Variants in LRP2 observed in about 807,000 individuals in gnomAD.
LRP2 encodes the protein LDL receptor related protein 2.
LRP2 carries 172 observed loss-of-function variants against 531.0 expected under a neutral mutation model. The observed-to-expected ratio is 0.32, with a 90% CI of 0.29 to 0.37. The LOEUF (loss-of-function observed/expected upper bound fraction) is 0.37. Ranked by LOEUF, LRP2 falls within the 10% of genes least tolerant of loss-of-function variation. The pLI, the probability that LRP2 is intolerant of heterozygous loss-of-function variation, is 1.00. For synonymous variants in LRP2, 1,992 were observed against 2,027.6 expected (o/e 0.98, Z 0.47); for missense variants, 5,167 against 5,868.3 (o/e 0.88, Z 3.90).
chr2:169,292,294 C>T lies in LRP2; in HGVS notation c.728G>A (p.Gly243Glu). The change falls in exon 7 of 79, where the codon GGA becomes GAA. Residue 243 changes from glycine to glutamate, a missense_variant. Gly to Glu is a moderately conservative substitution (Grantham distance 98). This residue lies in a region of LRP2 where 2,811 missense variants were observed against 3,058.0 expected (regional missense o/e 0.92). Transcript: ENST00000649046. ...TCCATTATCTTTACAGTCATCTTCT[C>T]CATCACAAACCCAGTTTTGATAAAT... is the stretch of plus-strand genomic sequence containing the variant. ...RCIYQNWVCD[G>E]EDDCKDNGDE... 1 of 1,614,078 alleles carries T rather than the reference C, an allele frequency of 6.2e-7. No homozygotes were observed. Among genetic ancestry groups the T allele is most frequent in the Non-Finnish European group, 8.5e-7 (1 of 1,179,926 alleles).
intron 31 of LRP2, 80 bp downstream of exon 31, chr2:169,231,634 A>G: frequency 2.5e-6 from 4 of 1,570,612 alleles, no homozygotes; most frequent in Non-Finnish European, 3.5e-6. Context: ...TTCAGTCGCA[A>G]TTGGTTTTAG....
chr2:169,308,996 T>G (rs996498329), intron 3 of LRP2, among the ~76,000 whole-genome samples: 6 of 152,222 alleles, frequency 3.9e-5, no homozygotes, highest in Non-Finnish European at 7.3e-5. Flanking sequence ...TTTTTTCATG[T>G]GTCTGTTGGC....
Position 169,168,439 on chromosome 2 carries a change from A to G in LRP2, c.11635+100T>C, listed in dbSNP as rs1686869198. 2.8e-6 allele frequency: 4 copies of G among 1,447,702 alleles called. No individual in the cohort carries two copies. The South Asian group carries it at 4.6e-5, about 17-fold the overall frequency. The allele number at this position is 1,447,702 out of a possible 1,614,324, so 89.7% of individuals were successfully genotyped here. On this transcript the variant is annotated intron_variant, in intron 61 of 78. Coordinates refer to ENST00000649046, the MANE Select transcript of LRP2 (RefSeq NM_004525.3). ...GCTGATCCTGTGTCCATTCCTAAACAATTGTACAACTGCTCTCCAGGCTCA... is the reference window on the plus strand; with the variant it reads ...GCTGATCCTGTGTCCATTCCTAAACGATTGTACAACTGCTCTCCAGGCTCA...
chr2:169,221,243 T>C (rs556707613), intron 33 of LRP2, among the ~76,000 whole-genome samples: 2 of 152,200 alleles, frequency 1.3e-5, no homozygotes, highest in East Asian at 1.9e-4. Flanking sequence ...TAAACTTCTA[T>C]TGTTTAATTG....
intron 31 of LRP2, among the ~76,000 whole-genome samples, chr2:169,231,425 C>T (rs1387009409): frequency 6.6e-6 from 1 of 152,030 alleles, no homozygotes; most frequent in Non-Finnish European, 1.5e-5. Flanking sequence ...TGGAACTTCC[C>T]ATTATCATGG....
chr2:169,274,155 C>A (rs1037822602), intron 14 of LRP2, among the ~76,000 whole-genome samples: 2 of 152,110 alleles, frequency 1.3e-5, no homozygotes, highest in African/African-American at 4.8e-5. Flanking sequence ...TTATTGCTCA[C>A]CAATATTAAG....
intron 55 of LRP2, among the ~76,000 whole-genome samples, chr2:169,174,504 G>C (rs750652613): frequency 6.6e-6 from 1 of 152,044 alleles, no homozygotes; most frequent in East Asian, 1.9e-4. Context: ...TTTTAGTTTG[G>C]GGGAATTTTA....
At chr2:169,286,766 A>C (rs1683869913) in intron 9 of LRP2, among the ~76,000 whole-genome samples, 2 of 152,208 alleles carry the variant, frequency 1.3e-5, no homozygotes, top group African/African-American at 4.8e-5. Context: ...TTTTCCTGAA[A>C]GGACTTCATG....
chr2:169,248,857 T>A (rs2105397921), intron 19 of LRP2, among the ~76,000 whole-genome samples: 1 of 121,154 alleles, frequency 8.3e-6, no homozygotes, highest in East Asian at 2.2e-4. Flanking sequence ...CCTTTCCGAG[T>A]CAAAGAAAGG....
chr2:169,289,296 T>A, intron 8 of LRP2, 151 bp from the exon 9 acceptor site: 1 of 1,017,490 alleles, frequency 9.8e-7, no homozygotes, highest in Non-Finnish European at 1.5e-6. Context: ...ACTGCAAAAC[T>A]TTGCAATAAA....
Position 169,152,784 on chromosome 2 carries a change from G to A in LRP2, c.12461+15C>T, listed in dbSNP as rs1157349357. On this transcript the variant is annotated intron_variant, in intron 67 of 78. Transcript: ENST00000649046. ...AAAACAGAACAGGTAAGGGGGGAAT[G>A]TATGGCAAATTTACCTTCCAACCCA... 1.9e-6 allele frequency: 3 copies of A among 1,613,820 alleles called. No homozygotes were observed. Among genetic ancestry groups the A allele is most frequent in the Non-Finnish European group, 2.5e-6 (3 of 1,179,788 alleles).
chr2:169,245,069 G>GA, intron 21 of LRP2, 137 bp from the exon 22 acceptor site: 1 of 947,568 alleles, frequency 1.1e-6, no homozygotes, highest in Non-Finnish European at 1.7e-6. Flanking sequence ...ATCAAGTGAT[G>GA]TCATCATCAC....
chr2:169,263,888 C>T (rs574707492), intron 16 of LRP2, among the ~76,000 whole-genome samples: 2,196 of 152,088 alleles, frequency 0.014, 46 homozygotes, highest in African/African-American at 0.05. Flanking sequence ...AAATGTGGCA[C>T]ATATATGCCA....
chr2:169,294,541 C>T, intron 5 of LRP2, 59 bp downstream of exon 5: 2 of 1,265,602 alleles, frequency 1.6e-6, no homozygotes, highest in Non-Finnish European at 2.3e-6. Flanking sequence ...TATTGGCTCT[C>T]TCAAACCAGT....
intron 38 of LRP2, 40 bp from the exon 39 acceptor site, chr2:169,207,290 C>T: frequency 1.4e-6 from 2 of 1,436,158 alleles, no homozygotes; most frequent in South Asian, 1.2e-5. Flanking sequence ...CAATGGAGAA[C>T]CAAGAAGAAA....
At chr2:169,240,250 G>A (rs1689756512) in intron 25 of LRP2, among the ~76,000 whole-genome samples, 1 of 152,166 alleles carries the variant, frequency 6.6e-6, no homozygotes, top group African/African-American at 2.4e-5. Flanking sequence ...AAATATTAGA[G>A]TACACAGATC....
chr2:169,310,676 T>C (rs1418441611), intron 3 of LRP2, among the ~76,000 whole-genome samples: 2 of 152,214 alleles, frequency 1.3e-5, no homozygotes, highest in East Asian at 3.9e-4. Context: ...TTTTGTTGTG[T>C]CTCTGCCAGG....
At chr2:169,280,304 CACTTTGT>C (rs1411921456) in intron 11 of LRP2, 39 bp downstream of exon 11, 3 of 1,608,676 alleles carry the variant, frequency 1.9e-6, no homozygotes, top group Non-Finnish European at 2.6e-6. Flanking sequence ...AAGCTATCAA[CACTTTGT>C]GCTCAGGGTT....
intron 76 of LRP2, among the ~76,000 whole-genome samples, chr2:169,135,326 T>C (rs1250403482): frequency 6.6e-6 from 1 of 152,188 alleles, no homozygotes; most frequent in Non-Finnish European, 1.5e-5. Context: ...TTTACTCACA[T>C]GCCCCAAGTC....
Sources: gnomAD v4.1 joint callset for allele counts (sites outside exome capture counted in the v4.1 genomes callset) on GRCh38, gnomAD v4.1.1 for gene constraint, gnomAD v4.1.1 regional missense constraint, MANE v1.5 for transcripts, NCBI Gene and HGNC (gene_info 2026-07-23, HGNC 2026-07-21) for gene names.